Variants in EXOC4 observed in about 807,000 individuals in gnomAD.
The protein encoded by EXOC4 is exocyst complex component 4, also known as SEC8-like 1.
EXOC4 carries 71 observed loss-of-function variants against 107.2 expected under a neutral mutation model. That is an observed-to-expected ratio of 0.66 (90% CI 0.55 to 0.81). The LOEUF (loss-of-function observed/expected upper bound fraction) is 0.81. EXOC4 is among the 30% of genes least tolerant of loss of function. EXOC4 has a pLI of 0.00. For missense variants in EXOC4, 1,108 were observed against 1,189.6 expected, an observed-to-expected ratio of 0.93 and a Z score of 1.01; for synonymous variants, 456 against 441.2, an observed-to-expected ratio of 1.03 and a Z score of -0.42.
intron 11 of EXOC4, among the ~76,000 whole-genome samples, chr7:133,849,557 G>C (rs2116246302): frequency 6.6e-6 from 1 of 152,208 alleles, no homozygotes; most frequent in African/African-American, 2.4e-5. Context: ...TTTAATGATG[G>C]CTGTGTTTAA....
intron 10 of EXOC4, among the ~76,000 whole-genome samples, chr7:133,795,911 A>G (rs2542264): frequency 0.15 from 23,571 of 152,224 alleles, 2,416 homozygotes; most frequent in Non-Finnish European, 0.22. Context: ...AAGCTTATTC[A>G]GAGAGTCTAT....
the EXOC4 span, among the ~76,000 whole-genome samples, chr7:134,071,912 T>C: frequency 3.2e-4 from 48 of 152,264 alleles, no homozygotes; most frequent in Non-Finnish European, 5.7e-4. Flanking sequence ...GTGATACTGG[T>C]AGTCTGACTC....
At chr7:133,480,525 G>A in intron 9 of EXOC4, 1 of 881,494 alleles carries the variant, frequency 1.1e-6, no homozygotes, top group Non-Finnish European at 1.4e-6. Context: ...ATTTGGGAAA[G>A]GGAAAATGCA....
At chr7:133,413,273 A>G (rs1160386182) in intron 7 of EXOC4, among the ~76,000 whole-genome samples, 1 of 152,098 alleles carries the variant, frequency 6.6e-6, no homozygotes, top group East Asian at 1.9e-4. Context: ...GAAACTGGCA[A>G]TTTGGTCATT....
At chr7:134,068,453 C>T (rs1371796338), downstream of EXOC4, among the ~76,000 whole-genome samples, 1 of 152,182 alleles carries the variant, frequency 6.6e-6, no homozygotes, top group Non-Finnish European at 1.5e-5. Context: ...CGTGACTTTG[C>T]TCCTCCTTCA....
chr7:133,975,832 GA>G (rs918858926), intron 14 of EXOC4, among the ~76,000 whole-genome samples: 1 of 151,894 alleles, frequency 6.6e-6, no homozygotes, highest in African/African-American at 2.4e-5. Context: ...TACAAATTGG[GA>G]AACTGAGTCA....
chr7:134,060,822 T>C (rs1340263023), intron 17 of EXOC4, among the ~76,000 whole-genome samples: 1 of 152,224 alleles, frequency 6.6e-6, no homozygotes, highest in Non-Finnish European at 1.5e-5. Context: ...TATGATTCTT[T>C]ATGATCTAAT....
intron 9 of EXOC4, among the ~76,000 whole-genome samples, chr7:133,605,059 C>A (rs1801906681): frequency 6.6e-6 from 1 of 152,092 alleles, no homozygotes; most frequent in Admixed American, 6.6e-5. Flanking sequence ...CAATGGACTT[C>A]TGGCCTAACC....
chr7:133,917,520 G>GA, intron 12 of EXOC4, 63 bp from the exon 13 acceptor site: 1 of 1,519,530 alleles, frequency 6.6e-7, no homozygotes, highest in Admixed American at 1.8e-5. Context: ...AAAGGTAGAT[G>GA]AAAATGCTAA....
chr7:133,633,449 T>A (rs1802636383), intron 10 of EXOC4, among the ~76,000 whole-genome samples: 1 of 152,198 alleles, frequency 6.6e-6, no homozygotes, highest in Non-Finnish European at 1.5e-5. Flanking sequence ...CTGGGCACGG[T>A]GGCTCACATC....
At chr7:133,847,199 A>C (rs1279245618) in intron 11 of EXOC4, among the ~76,000 whole-genome samples, 1 of 152,102 alleles carries the variant, frequency 6.6e-6, no homozygotes, top group Non-Finnish European at 1.5e-5. Flanking sequence ...ATAATACCTT[A>C]CTGTTAACCA....
At chr7:134,031,398 G>A (rs547494937) in intron 17 of EXOC4, among the ~76,000 whole-genome samples, 2 of 152,232 alleles carry the variant, frequency 1.3e-5, no homozygotes, top group East Asian at 1.9e-4. Context: ...TCTAAAAGGG[G>A]AAACATTTTT....
At chr7:133,614,215 G>T (rs1802137090) in intron 9 of EXOC4, among the ~76,000 whole-genome samples, 1 of 152,152 alleles carries the variant, frequency 6.6e-6, no homozygotes, top group Admixed American at 6.5e-5. Flanking sequence ...AAGGCAGGAA[G>T]AGATAGGCTA....
intron 5 of EXOC4, among the ~76,000 whole-genome samples, chr7:133,348,231 G>A (rs1285201213): frequency 6.6e-6 from 1 of 152,114 alleles, no homozygotes; most frequent in Non-Finnish European, 1.5e-5. Flanking sequence ...GCTGATGTAA[G>A]TGAAATAGAT....
intron 7 of EXOC4, among the ~76,000 whole-genome samples, chr7:133,449,065 A>G (rs1328781727): frequency 1.3e-5 from 2 of 152,158 alleles, no homozygotes; most frequent in Non-Finnish European, 2.9e-5. Context: ...CTGAGATCAC[A>G]CCAGTGCACT....
chr7:133,318,788 A>G (rs1051152844), intron 5 of EXOC4, among the ~76,000 whole-genome samples: 1 of 152,246 alleles, frequency 6.6e-6, no homozygotes, highest in African/African-American at 2.4e-5. Context: ...ACTACAGGAA[A>G]GTATAGAATT....
chr7:133,800,122 A>G (rs1796906770), intron 10 of EXOC4, among the ~76,000 whole-genome samples: 1 of 144,636 alleles, frequency 6.9e-6, no homozygotes, highest in African/African-American at 2.6e-5. Flanking sequence ...TCCCCAGATG[A>G]GAGTCTCAGC....
intron 7 of EXOC4, among the ~76,000 whole-genome samples, chr7:133,434,342 A>G (rs1255955249): frequency 6.6e-6 from 1 of 152,204 alleles, no homozygotes; most frequent in Non-Finnish European, 1.5e-5. Context: ...CCCATTCTTC[A>G]AAAGAGAATA....
chr7:133,548,236 A>G (rs953696504), intron 9 of EXOC4, among the ~76,000 whole-genome samples: 1 of 151,918 alleles, frequency 6.6e-6, no homozygotes, highest in African/African-American at 2.4e-5. Flanking sequence ...TGTCCGTTCA[A>G]ATTTTGTCAT....
Sources: allele counts gnomAD v4.1 joint callset (sites outside exome capture counted in the v4.1 genomes callset), GRCh38; gene constraint gnomAD v4.1.1; transcripts MANE v1.5; gene names NCBI Gene and HGNC (gene_info 2026-07-23, HGNC 2026-07-21).